Variants in SEPTIN8 observed in about 807,000 individuals in gnomAD.
SEPTIN8 encodes septin-8.
Under a neutral mutation model 53.1 loss-of-function variants are expected in SEPTIN8, and 22 were observed. That is an observed-to-expected ratio of 0.41 (90% CI 0.30 to 0.59). SEPTIN8 has a LOEUF of 0.59. Among genes scored for constraint, SEPTIN8 ranks in the 20% least tolerant of loss-of-function variants. The pLI is 0.24. For synonymous variants in SEPTIN8, 228 were observed against 248.4 expected (o/e 0.92, Z 0.77); for missense variants, 536 against 638.7 (o/e 0.84, Z 1.73).
At chr5:132,778,080 C>T, upstream of SEPTIN8, 1 of 985,548 alleles carries the variant, frequency 1.0e-6, no homozygotes, top group Middle Eastern at 5.2e-4. Context: ...AAAATTAACA[C>T]TTACGCCAGG....
intron 9 of SEPTIN8, chr5:132,753,859 A>G (rs1755074999): frequency 6.6e-6 from 1 of 152,464 alleles, no homozygotes; most frequent in South Asian, 2.1e-4. Flanking sequence ...GCAGCTGACA[A>G]AGATGCCAGC....
chr5:132,754,332 G>A (rs890641308), intron 9 of SEPTIN8: 10 of 704,312 alleles, frequency 1.4e-5, no homozygotes, highest in Admixed American at 8.1e-5. Flanking sequence ...AGTGGTGGCC[G>A]TTGAGTGCCC....
chr5:132,756,133 C>A (rs538037351), intron 9 of SEPTIN8: 2 of 985,304 alleles, frequency 2.0e-6, no homozygotes, highest in Non-Finnish European at 2.4e-6. Flanking sequence ...GTTAACGTAA[C>A]AGACTAGCAA....
Position 132,762,598 on chromosome 5 carries a change from G to C in SEPTIN8, c.582C>G (p.Ser194Arg). 2 of 1,614,220 alleles carry C rather than the reference G, an allele frequency of 1.2e-6. No individual in the cohort carries two copies. The highest frequency in any genetic ancestry group is 1.7e-6 in the Non-Finnish European group (2 of 1,180,016). ...IIAKADTISK[S>R]ELHKFKIKIM... Reference sequence around the variant, plus strand: ...TCTTGATCTTGAACTTGTGGAGCTCGCTCTTGGAGATGGTGTCAGCCTTGG... The same window carrying C: ...TCTTGATCTTGAACTTGTGGAGCTCCCTCTTGGAGATGGTGTCAGCCTTGG... The change falls in exon 5 of 10, where the codon AGC (serine) becomes AGG (arginine). Residue 194 changes from serine (S) to arginine (R), a missense_variant. Ser to Arg is a moderately radical substitution (Grantham distance 110). Coordinates refer to ENST00000378719, the MANE Select transcript of SEPTIN8 (RefSeq NM_001098811.2).
intron 1 of SEPTIN8, among the ~76,000 whole-genome samples, chr5:132,775,409 C>T (rs1022823124): frequency 6.6e-6 from 1 of 152,174 alleles, no homozygotes; most frequent in Non-Finnish European, 1.5e-5. Context: ...TGTGTCCTTA[C>T]CATGTGCCAG....
rs1757473615 is a variant in SEPTIN8, at chr5:132,773,122, G to T, written c.30+3986C>A. On this transcript the variant is annotated intron_variant, in intron 1 of 9. Coordinates refer to ENST00000378719, the MANE Select transcript of SEPTIN8 (RefSeq NM_001098811.2). The surrounding 1 kb of genome is among the most constrained non-coding windows in gnomAD (Gnocchi z 4.2). ...TTCTTTCAGGAGCTCTGAAGGTTCA[G>T]ATGGCTCCAAAAGAAGCCAACAGAG... is the stretch of plus-strand genomic sequence containing the variant. Among the ~76,000 whole-genome samples, 1 of 152,246 alleles carries T rather than the reference G, an allele frequency of 6.6e-6. No individual in the cohort carries two copies. Among genetic ancestry groups the T allele is most frequent in the East Asian group, 1.9e-4 (1 of 5,202 alleles).
chr5:132,777,708 G>C (rs1757930122), upstream of SEPTIN8: 3 of 985,440 alleles, frequency 3.0e-6, no homozygotes, highest in South Asian at 1.4e-4. This position sits in a 1 kb window ranked among gnomAD's most constrained non-coding sequence, Gnocchi z 4.1. Flanking sequence ...AGACCCGTCG[G>C]ATCCGGGAGA....
In SEPTIN8 at chr5:132,750,870, T is replaced by G; in HGVS notation, c.*1146A>C. 1 of 1,613,878 alleles carries G rather than the reference T, an allele frequency of 6.2e-7. No homozygotes were observed. The highest frequency in any genetic ancestry group is 8.5e-7 in the Non-Finnish European group (1 of 1,179,944). On this transcript the variant is annotated 3_prime_UTR_variant, in exon 10 of 10. Transcript: ENST00000378719. ...TTCTTTTTACAGTTTATTCCACAAG[T>G]AAAAGACTTCACAAAGCACTATGGC... is the stretch of plus-strand genomic sequence containing the variant.
chr5:132,762,781 C>A, intron 4 of SEPTIN8, 136 bp from the exon 5 acceptor site: 1 of 933,780 alleles, frequency 1.1e-6, no homozygotes, highest in Non-Finnish European at 1.6e-6. Flanking sequence ...GAGATGGAGC[C>A]ACTCCCACGG....
intron 1 of SEPTIN8, among the ~76,000 whole-genome samples, chr5:132,771,060 C>T (rs1273520324): frequency 1.3e-5 from 2 of 152,208 alleles, no homozygotes; most frequent in Admixed American, 6.5e-5. Context: ...TAGAGAACAG[C>T]ATTTTGTTAC....
rs1757826524 is a variant in SEPTIN8, at chr5:132,776,674, T to C, written c.30+434A>G. Among the ~76,000 whole-genome samples the C allele has an allele frequency of 1.3e-5, 2 of 152,110 alleles. No homozygotes were observed. The highest frequency in any genetic ancestry group is 2.1e-4 in the South Asian group (1 of 4,818). On this transcript the variant is annotated intron_variant, in intron 1 of 9. Coordinates refer to ENST00000378719, the MANE Select transcript of SEPTIN8 (RefSeq NM_001098811.2). The surrounding 1 kb of genome is among the most constrained non-coding windows in gnomAD (Gnocchi z 4.4). ...GGAGACTCTCTCGGATCCTGGGGCC[T>C]CCATCCTCCCCGGCTGTACCTATCC...
intron 1 of SEPTIN8, among the ~76,000 whole-genome samples, chr5:132,766,735 C>CA (rs1450500524): frequency 2.0e-5 from 3 of 152,148 alleles, no homozygotes; most frequent in Non-Finnish European, 4.4e-5. Context: ...GGGCCAGTGG[C>CA]AGCCCTTGTG....
intron 1 of SEPTIN8, 98 bp from the exon 2 acceptor site, chr5:132,765,627 C>G (rs1756505494): frequency 7.3e-7 from 1 of 1,373,698 alleles, no homozygotes. Context: ...GTGAAGCAGC[C>G]CCACCCGATG....
chr5:132,759,168 G>T (rs1045426857), intron 9 of SEPTIN8, among the ~76,000 whole-genome samples: 2 of 152,236 alleles, frequency 1.3e-5, no homozygotes, highest in Non-Finnish European at 2.9e-5. Context: ...GCGGCAGGAA[G>T]GAGTACTCCC....
intron 1 of SEPTIN8, among the ~76,000 whole-genome samples, chr5:132,770,109 G>GTATATATGTA (rs1757138540): frequency 1.2e-5 from 1 of 80,766 alleles, no homozygotes; most frequent in South Asian, 3.0e-4. Context: ...ATGTATATAT[G>GTATATATGTA]TATATATATA....
intron 9 of SEPTIN8, 145 bp from the exon 10 acceptor site, chr5:132,752,326 T>C (rs1225270638): frequency 8.8e-7 from 1 of 1,130,274 alleles, no homozygotes; most frequent in Non-Finnish European, 1.2e-6. Context: ...CTGGAAAGAG[T>C]CTGCCCAAAG....
intron 1 of SEPTIN8, among the ~76,000 whole-genome samples, chr5:132,766,932 C>T (rs1756662026): frequency 6.6e-6 from 1 of 152,156 alleles, no homozygotes; most frequent in East Asian, 1.9e-4. Context: ...TTCTGCACAA[C>T]TGATGTCTAC....
intron 4 of SEPTIN8, 34 bp downstream of exon 4, chr5:132,763,672 T>C (rs1402790493): frequency 6.3e-7 from 1 of 1,593,348 alleles, no homozygotes; most frequent in Admixed American, 1.7e-5. Context: ...CAGAAGACTA[T>C]GGAGCCTGTG....
Position 132,777,115 on chromosome 5 carries a change from C to A in SEPTIN8, c.23G>T (p.Arg8Leu). Residue 8 changes from arginine to leucine, a missense_variant, in exon 1 of 10, where the codon CGC becomes CTC. Arg to Leu is a moderately radical substitution (Grantham distance 102). Around this residue, in one of 3 missense-constraint regions of SEPTIN8, gnomAD observed 395 missense variants for 451.8 expected, o/e 0.87. Transcript: ENST00000378719. The surrounding 1 kb of genome is among the most constrained non-coding windows in gnomAD (Gnocchi z 4.1). The stretch of plus-strand genomic sequence containing the variant: ...GCCCAGCGGGGCCCTCACCGAGAAG[C>A]GCTCCAGGTCGGTGGCCGCCATGGC... MAATDLE[R>L]FSNAEPEPRS... is the part of the protein sequence containing the mutation. 2 of 1,159,890 alleles carry A rather than the reference C, an allele frequency of 1.7e-6. No homozygotes were observed. The highest frequency in any genetic ancestry group is 2.1e-6 in the Non-Finnish European group (2 of 941,590). The allele number at this position is 1,159,890 out of a possible 1,614,324, so 71.8% of individuals were successfully genotyped here. A position where few individuals can be genotyped will look rare whatever the true frequency, so the allele number is the denominator to read the frequency against.
Sources: gnomAD v4.1 joint callset for allele counts (sites outside exome capture counted in the v4.1 genomes callset) on GRCh38, gnomAD v4.1.1 for gene constraint, gnomAD v4.1.1 regional missense constraint, Gnocchi (gnomAD v3.1) non-coding constraint, MANE v1.5 for transcripts, NCBI Gene and HGNC (gene_info 2026-07-23, HGNC 2026-07-21) for gene names.